The following PTPN3 variants were observed in gnomAD, a reference collection of about 807,000 sequenced individuals.
PTPN3 encodes protein tyrosine phosphatase non-receptor type 3.
A neutral mutation model predicts 132.7 loss-of-function variants in PTPN3; 96 were observed. The observed-to-expected ratio is 0.72, with a 90% CI of 0.61 to 0.86. PTPN3 has a LOEUF of 0.86. PTPN3 is among the 40% of genes least tolerant of loss of function. PTPN3 has a pLI of 0.00. For missense variants in PTPN3, 1,125 were observed against 1,159.6 expected (o/e 0.97, Z 0.43); for synonymous variants, 398 against 429.0 (o/e 0.93, Z 0.89).
intron 6 of PTPN3, among the ~76,000 whole-genome samples, chr9:109,445,792 A>G (rs1268491118): frequency 6.6e-6 from 1 of 152,188 alleles, no homozygotes; most frequent in Non-Finnish European, 1.5e-5. Context: ...GGTATTTTCA[A>G]TTTTAAAACC....
chr9:109,406,177 G>A (rs980533621), intron 18 of PTPN3, among the ~76,000 whole-genome samples: 3 of 152,214 alleles, frequency 2.0e-5, no homozygotes, highest in African/African-American at 2.4e-5. Context: ...TGTGGGCTGC[G>A]CTGGGCCTGG....
At chr9:109,452,830 G>A (rs971347943) in intron 5 of PTPN3, among the ~76,000 whole-genome samples, 2 of 152,154 alleles carry the variant, frequency 1.3e-5, no homozygotes, top group African/African-American at 4.8e-5. Context: ...TGAAGTGCTG[G>A]GAAGCTCACA....
the PTPN3 span, among the ~76,000 whole-genome samples, chr9:109,506,982 A>G: frequency 1.3e-5 from 2 of 152,230 alleles, no homozygotes; most frequent in African/African-American, 4.8e-5. Flanking sequence ...AGCATGCCTA[A>G]TATTTTTTCA....
chr9:109,512,728 C>T, the PTPN3 span, among the ~76,000 whole-genome samples: 3 of 152,116 alleles, frequency 2.0e-5, no homozygotes, highest in African/African-American at 7.2e-5. Context: ...TTAGGAGGTA[C>T]CTTGTTCCTC....
intron 1 of PTPN3, among the ~76,000 whole-genome samples, chr9:109,487,623 A>C: frequency 2.0e-5 from 3 of 152,248 alleles, no homozygotes; most frequent in East Asian, 1.9e-4. Context: ...ATGGAAATTC[A>C]ATGGAAGGTA....
chr9:109,412,384 T>C lies in PTPN3; in HGVS notation c.1314-1969A>G, dbSNP rs558099671. ...CATGTCCAACTAATTTTAATTTTTT[T>C]TTTTTTTTGAGTCAAAGTCTCGCTC... On this transcript the variant is annotated intron_variant, in intron 14 of 25. Coordinates refer to ENST00000374541, the MANE Select transcript of PTPN3 (RefSeq NM_002829.4). Among the ~76,000 whole-genome samples, 7 of 152,050 alleles carry C rather than the reference T, an allele frequency of 4.6e-5. No individual in the cohort carries two copies. The South Asian group carries it at 1.0e-3, about 23-fold the overall frequency.
intron 19 of PTPN3, among the ~76,000 whole-genome samples, chr9:109,392,081 T>G (rs1297215765): frequency 6.6e-6 from 1 of 152,218 alleles, no homozygotes; most frequent in Non-Finnish European, 1.5e-5. Flanking sequence ...TCCCTACACA[T>G]GTAATCACTA....
intron 23 of PTPN3, 90 bp from the exon 24 acceptor site, chr9:109,382,537 C>T: frequency 1.4e-6 from 2 of 1,425,584 alleles, no homozygotes. Flanking sequence ...GCCCTGTCTC[C>T]TGATGCTTTC....
At chr9:109,526,962 TA>T in the PTPN3 span, among the ~76,000 whole-genome samples, 2 of 149,892 alleles carry the variant, frequency 1.3e-5, no homozygotes, top group African/African-American at 2.5e-5. Context: ...TGGATATCCA[TA>T]AAAAAAAAGA....
At position 109,377,374 on chromosome 9, in the gene PTPN3, AAC is replaced by A. The variant is rs887355592; in HGVS notation, c.*2180_*2181del. 3.4e-5 allele frequency: 5 copies of A among 148,852 alleles called. No individual in the cohort carries two copies. The highest frequency in any genetic ancestry group is 1.3e-4 in the African/African-American group (5 of 39,640). 9.2% of individuals were successfully genotyped at this position (148,852 alleles called of 1,614,324 possible). On this transcript the variant is annotated 3_prime_UTR_variant, in exon 26 of 26. Transcript: ENST00000374541. Reference sequence around the variant, plus strand: ...CCAGGAGTTTGAGACCAGCCTAGGCAACACATCAAGATCCTGTCTCTACACAC... The same window carrying A: ...CCAGGAGTTTGAGACCAGCCTAGGCAACATCAAGATCCTGTCTCTACACAC...
intron 1 of PTPN3, among the ~76,000 whole-genome samples, chr9:109,465,353 G>A (rs1846045312): frequency 6.6e-6 from 1 of 152,032 alleles, no homozygotes; most frequent in South Asian, 2.1e-4. Flanking sequence ...GAAGCGGGCG[G>A]GTCACCTGAG....
chr9:109,463,477 T>C (rs368142216), intron 1 of PTPN3, 26 bp from the exon 2 acceptor site: 218 of 1,582,498 alleles, frequency 1.4e-4, no homozygotes, highest in Non-Finnish European at 1.8e-4. Context: ...TACCTGTTAG[T>C]GCTTTAATAT....
rs1284021128 is a variant in PTPN3 at position 109,422,926 on chromosome 9, G to GT, written c.1002-75dup. 2.6e-6 allele frequency: 4 copies of GT among 1,519,760 alleles called. No individual in the cohort carries two copies. The African/African-American group carries it at 4.1e-5, about 16-fold the overall frequency. The allele number at this position is 1,519,760 out of a possible 1,614,324, so 94.1% of individuals were successfully genotyped here. On this transcript the variant is annotated intron_variant, in intron 12 of 25. Coordinates refer to ENST00000374541, the MANE Select transcript of PTPN3 (RefSeq NM_002829.4). The stretch of plus-strand genomic sequence containing the variant: ...AAGAAATTACTGCATGTGTGAAACA[G>GT]TCTACACATGCTTCTTGTCTGAAGG...
intron 10 of PTPN3, among the ~76,000 whole-genome samples, chr9:109,431,481 G>A (rs998499240): frequency 6.6e-6 from 1 of 152,206 alleles, no homozygotes; most frequent in Non-Finnish European, 1.5e-5. Flanking sequence ...TTAGTCCTGA[G>A]TGGGCCAGAG....
At chr9:109,381,902 G>C (rs1267384399) in intron 24 of PTPN3, 115 bp from the exon 25 acceptor site, 4 of 1,267,424 alleles carry the variant, frequency 3.2e-6, no homozygotes, top group Non-Finnish European at 1.1e-6. Context: ...CCTTCGAGAA[G>C]ACAAAACGCA....
chr9:109,452,609 A>C (rs912148216), intron 5 of PTPN3, among the ~76,000 whole-genome samples: 2 of 151,468 alleles, frequency 1.3e-5, no homozygotes, highest in African/African-American at 4.9e-5. Flanking sequence ...TCGATCACTT[A>C]GGCTGGAGTA....
chr9:109,398,279 G>C (rs560725106), intron 19 of PTPN3, among the ~76,000 whole-genome samples: 6 of 152,244 alleles, frequency 3.9e-5, no homozygotes, highest in African/African-American at 1.2e-4. Context: ...AATGAGACTC[G>C]GTCTAAAGGG....
the PTPN3 span, among the ~76,000 whole-genome samples, chr9:109,519,605 G>A: frequency 6.6e-6 from 1 of 152,158 alleles, no homozygotes; most frequent in Admixed American, 6.6e-5. Flanking sequence ...GTAGCGTTGG[G>A]ACTTGAAGCC....
chr9:109,391,247 T>A (rs1256389186), intron 20 of PTPN3, 48 bp from the exon 21 acceptor site: 1 of 1,552,452 alleles, frequency 6.4e-7, no homozygotes, highest in African/African-American at 1.4e-5. Context: ...ATTATTTTTA[T>A]CATACCAAGT....
Sources: gnomAD v4.1 joint callset for allele counts (sites outside exome capture counted in the v4.1 genomes callset) on GRCh38, gnomAD v4.1.1 for gene constraint, MANE v1.5 for transcripts, NCBI Gene and HGNC (gene_info 2026-07-23, HGNC 2026-07-21) for gene names.